ARHGAP22: variants seen among roughly 807,000 people sequenced by gnomAD.
The protein encoded by ARHGAP22 is rho GTPase-activating protein 22.
Under a neutral mutation model 59.1 loss-of-function variants are expected in ARHGAP22, and 48 were observed. The observed-to-expected ratio is 0.81, with a 90% confidence interval of 0.64 to 1.03. The LOEUF (loss-of-function observed/expected upper bound fraction) is 1.03. Among genes scored for constraint, ARHGAP22 ranks in the 50% least tolerant of loss-of-function variants. ARHGAP22 has a pLI of 0.00. For synonymous variants in ARHGAP22, 445 were observed against 416.4 expected (o/e 1.07, Z -0.84); for missense variants, 1,015 against 958.7 (o/e 1.06, Z -0.78).
chr10:48,461,930 A>G (rs1306964842), intron 4 of ARHGAP22, among the ~76,000 whole-genome samples: 150 of 152,340 alleles, frequency 9.8e-4, no homozygotes, highest in Non-Finnish European at 2.1e-4. Context: ...CTATTTTGGA[A>G]TAAGATACAT....
chr10:48,498,927 C>T (rs1354846853), intron 3 of ARHGAP22, among the ~76,000 whole-genome samples: 1 of 152,148 alleles, frequency 6.6e-6, no homozygotes, highest in Non-Finnish European at 1.5e-5. Context: ...GCCACCGAGA[C>T]CCAAGGGGAG....
At chr10:48,574,950 C>T (rs1436184045) in intron 2 of ARHGAP22, 1 of 152,082 alleles carries the variant, frequency 6.6e-6, no homozygotes, top group Non-Finnish European at 1.5e-5. Flanking sequence ...AATTGTAATC[C>T]CCAGTGTTGG....
the ARHGAP22 span, chr10:48,436,970 AT>A: frequency 6.6e-6 from 1 of 152,228 alleles, no homozygotes; most frequent in African/African-American, 2.4e-5. Context: ...TGTAGCATAG[AT>A]TATGTCACTG....
chr10:48,567,072 G>A (rs971305962), intron 2 of ARHGAP22, among the ~76,000 whole-genome samples: 3 of 152,164 alleles, frequency 2.0e-5, no homozygotes, highest in African/African-American at 7.2e-5. Flanking sequence ...AGGGTGAGTG[G>A]GTCCTCTTTG....
At chr10:48,637,725 G>C (rs1219127455) in intron 1 of ARHGAP22, among the ~76,000 whole-genome samples, 1 of 152,040 alleles carries the variant, frequency 6.6e-6, no homozygotes, top group Non-Finnish European at 1.5e-5. Context: ...GATGGTGCTG[G>C]GATCAGTGAG....
chr10:48,598,890 A>G lies in ARHGAP22; in HGVS notation c.34+5873T>C, dbSNP rs1051115160. On this transcript the variant is annotated intron_variant, in intron 1 of 9. Transcript: ENST00000249601. ...CTGCCTGGATCCAAGCCTGGCATGT[A>G]AATGTGAAGGCACGCACTATATGTT... Among the ~76,000 whole-genome samples, 7 of 152,184 alleles carry G rather than the reference A, an allele frequency of 4.6e-5. No homozygotes were observed. In the South Asian group the frequency reaches 1.5e-3, roughly 32 times the overall value.
chr10:48,611,835 TCC>T (rs2060900034), intron 1 of ARHGAP22, among the ~76,000 whole-genome samples: 1 of 36,150 alleles, frequency 2.8e-5, no homozygotes, highest in Non-Finnish European at 5.3e-5. Flanking sequence ...TCCCTTCCCT[TCC>T]CTTCCCTTCC....
rs746135728 is a variant in ARHGAP22 at position 48,450,420 on chromosome 10, A to G, written c.1709T>C (p.Met570Thr). 6 of 1,568,644 alleles carry G rather than the reference A, an allele frequency of 3.8e-6. No individual in the cohort carries two copies. The East Asian group carries it at 1.2e-4, about 31-fold the overall frequency. The change falls in exon 9 of 10, where the codon ATG (methionine) becomes ACG (threonine). Residue 570 changes from methionine to threonine, a missense_variant. Coordinates refer to ENST00000249601, the MANE Select transcript of ARHGAP22 (RefSeq NM_021226.4). ...DPKSLDLDHS[M>T]DEAGAGASNS... ...GCTGGCACCCGCGCCCGCCTCGTCC[A>G]TGCTGTGGTCCAGGTCCAGGGACTT...
chr10:48,564,049 C>G (rs1338170131), intron 2 of ARHGAP22, among the ~76,000 whole-genome samples: 1 of 152,130 alleles, frequency 6.6e-6, no homozygotes, highest in Non-Finnish European at 1.5e-5. Flanking sequence ...GAAGAGCATA[C>G]AGAAATGGGC....
intron 1 of ARHGAP22, among the ~76,000 whole-genome samples, chr10:48,622,154 TA>T (rs2061306540): frequency 6.6e-6 from 1 of 152,370 alleles, no homozygotes; most frequent in Middle Eastern, 3.4e-3. Flanking sequence ...TAACTGCTGT[TA>T]AGGAAGGACT....
rs546696052 is a variant in ARHGAP22 at position 48,588,796 on chromosome 10, A to G, written c.35-5644T>C. Among the ~76,000 whole-genome samples the G allele has an allele frequency of 1.7e-3, 266 of 152,300 alleles. 1 individual carries two copies. Among genetic ancestry groups the G allele is most frequent in the African/African-American group, 6.2e-3 (258 of 41,562 alleles). Reference sequence around the variant, plus strand: ...GGGAAGTAAATCACAACCACCACGGAGGGATGAAAGAGCACAGGCCTTGTG... The same window carrying G: ...GGGAAGTAAATCACAACCACCACGGGGGGATGAAAGAGCACAGGCCTTGTG... On this transcript the variant is annotated intron_variant, in intron 1 of 9. Transcript: ENST00000249601.
chr10:48,439,281 T>C, the ARHGAP22 span: 16 of 149,930 alleles, frequency 1.1e-4, no homozygotes, highest in African/African-American at 3.9e-4. Flanking sequence ...ACCACTGGAA[T>C]GTAAACAATG....
At chr10:48,453,489 G>A (rs1055013188) in intron 7 of ARHGAP22, 64 bp from the exon 8 acceptor site, 23 of 1,603,616 alleles carry the variant, frequency 1.4e-5, no homozygotes, top group East Asian at 4.5e-5. Context: ...TCCTGTGTGC[G>A]GCCTGGACGC....
downstream of ARHGAP22, among the ~76,000 whole-genome samples, chr10:48,442,534 C>A (rs1333203430): frequency 6.6e-6 from 1 of 152,126 alleles, no homozygotes; most frequent in Non-Finnish European, 1.5e-5. Context: ...TATTCTAGAA[C>A]CTGAAGCCCA....
Position 48,604,970 on chromosome 10 carries a change from C to A in ARHGAP22, c.-174G>T. ...CTCTCCTGGCTCCGGACGGACGGCT[C>A]GCCTTGGACTACATAAACCTCGATG... is the stretch of plus-strand genomic sequence containing the variant. On this transcript the variant is annotated 5_prime_UTR_variant, in exon 1 of 10. Transcript: ENST00000249601. The A allele has an allele frequency of 6.7e-7, 1 of 1,494,758 alleles. No homozygotes were observed. Among genetic ancestry groups the A allele is most frequent in the East Asian group, 2.5e-5 (1 of 40,574 alleles). The allele number at this position is 1,494,758 out of a possible 1,614,324, so 92.6% of individuals were successfully genotyped here.
intron 2 of ARHGAP22, among the ~76,000 whole-genome samples, chr10:48,572,324 C>T (rs3853766): frequency 0.39 from 58,797 of 152,046 alleles, 12,806 homozygotes; most frequent in East Asian, 0.89. Flanking sequence ...TGTAGTTCAC[C>T]GTTAGACCTT....
rs192704063 is a variant in ARHGAP22, at chr10:48,648,452, G to A, written c.52+3782C>T. Reference sequence around the variant, plus strand: ...CCCGGCTGAGGATTTAACTGCTGACGTGAGACCATTCACAAGCTCACTGTT... The same window carrying A: ...CCCGGCTGAGGATTTAACTGCTGACATGAGACCATTCACAAGCTCACTGTT... On this transcript the variant is annotated intron_variant, in intron 1 of 9. Transcript: ENST00000435790. Among the ~76,000 whole-genome samples, 7 of 152,202 alleles carry A rather than the reference G, an allele frequency of 4.6e-5. 1 individual carries two copies. The highest frequency in any genetic ancestry group is 1.7e-4 in the African/African-American group (7 of 41,522).
At chr10:48,579,493 G>A (rs1398595689) in intron 2 of ARHGAP22, among the ~76,000 whole-genome samples, 7 of 152,246 alleles carry the variant, frequency 4.6e-5, no homozygotes, top group Non-Finnish European at 1.0e-4. Context: ...AGGCTCTGCT[G>A]TGACATGCCT....
exon 1 of ARHGAP22, chr10:48,652,425 C>T: frequency 2.8e-6 from 2 of 706,024 alleles, no homozygotes; most frequent in East Asian, 5.4e-5. Context: ...TTTAGAATGC[C>T]CTTTATCTGG....
Sources: gnomAD v4.1 joint callset for allele counts (sites outside exome capture counted in the v4.1 genomes callset) on GRCh38, gnomAD v4.1.1 for gene constraint, MANE v1.5 for transcripts, NCBI Gene and HGNC (gene_info 2026-07-23, HGNC 2026-07-21) for gene names.